Variants in TRPM3 observed in about 807,000 individuals in gnomAD.
TRPM3 encodes transient receptor potential cation channel subfamily M member 3.
In TRPM3, 77 loss-of-function variants were observed where a neutral mutation model predicts 181.2. The observed-to-expected ratio is 0.42, with a 90% confidence interval of 0.35 to 0.51. The LOEUF (loss-of-function observed/expected upper bound fraction) is 0.51, where lower values mean the gene tolerates loss of function less well. Ranked by LOEUF, TRPM3 falls within the 20% of genes least tolerant of loss-of-function variation. The pLI, the probability that TRPM3 is intolerant of heterozygous loss-of-function variation, is 0.01. For missense variants in TRPM3, 1,759 were observed against 2,196.7 expected (o/e 0.80, Z 3.98); for synonymous variants, 745 against 796.4 (o/e 0.94, Z 1.09).
chr9:70,690,629 G>T (rs952483067), intron 8 of TRPM3, among the ~76,000 whole-genome samples: 1 of 151,836 alleles, frequency 6.6e-6, no homozygotes, highest in Non-Finnish European at 1.5e-5. Context: ...TTTAAAAGCC[G>T]CCAGCTTAGC....
At chr9:70,686,428 A>G (rs1033632879) in intron 8 of TRPM3, among the ~76,000 whole-genome samples, 2 of 152,292 alleles carry the variant, frequency 1.3e-5, no homozygotes, top group Admixed American at 1.3e-4. Flanking sequence ...TTCTTGGCCT[A>G]TTAGCTACTC....
intron 1 of TRPM3, among the ~76,000 whole-genome samples, chr9:71,052,354 T>A (rs1210482745): frequency 6.6e-6 from 1 of 151,960 alleles, no homozygotes; most frequent in Admixed American, 6.6e-5. Flanking sequence ...AAGGAAGAAA[T>A]GTGGGATGGC....
In TRPM3 at chr9:71,090,935, A is replaced by G. The variant is rs528058120; in HGVS notation, c.177+30243T>C. On this transcript the variant is annotated intron_variant, in intron 1 of 25. Coordinates refer to ENST00000677713, the MANE Select transcript of TRPM3 (RefSeq NM_001366145.2). ...ATATGTAGTGATTTTTAAGGCTCCA[A>G]TAAAATTTTCAGACCCTTGATTTAT... 3.9e-5 allele frequency among the ~76,000 whole-genome samples: 6 copies of G among 152,280 alleles called. No homozygotes were observed. In the South Asian group the frequency reaches 6.2e-4, roughly 16 times the overall value.
intron 22 of TRPM3, among the ~76,000 whole-genome samples, chr9:70,589,917 T>C (rs1564457222): frequency 6.6e-6 from 1 of 152,166 alleles, no homozygotes; most frequent in Admixed American, 6.5e-5. Context: ...ATTTTCCTGG[T>C]CTCAGTCCTA....
In TRPM3 at chr9:70,619,050, C is replaced by T; in HGVS notation, c.2175G>A (p.Lys725=). The T allele has an allele frequency of 6.2e-7, 1 of 1,614,142 alleles. No homozygotes were observed. The highest frequency in any genetic ancestry group is 8.5e-7 in the Non-Finnish European group (1 of 1,180,016). ...GTTTCATGGCCAGCTGTTCGTCCTG[C>T]TTGTAGGACTGGTCCAGGAGCTCCA... The part of the protein sequence containing the change: ...LAVELLDQSY[K]QDEQLAMKLL... The change falls in exon 17 of 26, where the codon AAG becomes AAA. Residue 725 remains lysine, a synonymous_variant. Transcript: ENST00000677713.
chr9:71,217,282 A>T (rs574817863), intron 1 of TRPM3, among the ~76,000 whole-genome samples: 2 of 152,066 alleles, frequency 1.3e-5, no homozygotes, highest in Non-Finnish European at 2.9e-5. Flanking sequence ...TCTCTCTCCT[A>T]TAAACTCTAG....
chr9:70,573,154 T>A (rs1029018483), intron 22 of TRPM3, among the ~76,000 whole-genome samples: 1 of 152,220 alleles, frequency 6.6e-6, no homozygotes, highest in Non-Finnish European at 1.5e-5. Context: ...AGTGAAGTGG[T>A]CAGATGCTTA....
At chr9:71,323,668 C>T (rs925011632) in intron 1 of TRPM3, among the ~76,000 whole-genome samples, 9 of 152,080 alleles carry the variant, frequency 5.9e-5, no homozygotes, top group South Asian at 4.1e-4. Context: ...TGAAAGGTCA[C>T]GCTATGGTTT....
At chr9:70,772,897 C>T (rs562492352) in intron 7 of TRPM3, among the ~76,000 whole-genome samples, 1 of 152,202 alleles carries the variant, frequency 6.6e-6, no homozygotes, top group African/African-American at 2.4e-5. Flanking sequence ...TGAGTTCATT[C>T]CAAGTGCAAT....
intron 1 of TRPM3, among the ~76,000 whole-genome samples, chr9:70,999,661 C>A (rs974664379): frequency 2.6e-5 from 4 of 152,112 alleles, no homozygotes; most frequent in African/African-American, 9.7e-5. Flanking sequence ...GGCAAGATGG[C>A]ATTTTAAGTT....
intron 1 of TRPM3, among the ~76,000 whole-genome samples, chr9:71,407,278 A>G (rs578232902): frequency 2.6e-5 from 4 of 152,278 alleles, no homozygotes; most frequent in African/African-American, 9.6e-5. Context: ...GTGGGGCATC[A>G]TCTCACCCGG....
At chr9:71,299,713 C>A (rs2132319396) in intron 1 of TRPM3, among the ~76,000 whole-genome samples, 1 of 152,176 alleles carries the variant, frequency 6.6e-6, no homozygotes, top group African/African-American at 2.4e-5. Flanking sequence ...GTTGGATTGG[C>A]AAACAAACTT....
At position 71,309,441 on chromosome 9, in the gene TRPM3, T is replaced by C. The variant is rs189360968; in HGVS notation, c.183+137212A>G. On this transcript the variant is annotated intron_variant, in intron 1 of 24. Transcript: ENST00000357533. Reference sequence around the variant, plus strand: ...CAAAATGGACATATCTCAATATAGATTGTTAAAGGTGAAATCATTTTAGTT... The same window carrying C: ...CAAAATGGACATATCTCAATATAGACTGTTAAAGGTGAAATCATTTTAGTT... Among the ~76,000 whole-genome samples the C allele has an allele frequency of 8.9e-4, 136 of 152,244 alleles. 2 individuals carry two copies. The highest frequency in any genetic ancestry group is 5.3e-4 in the Non-Finnish European group (36 of 68,012).
At chr9:71,005,755 C>G (rs995387334) in intron 1 of TRPM3, among the ~76,000 whole-genome samples, 1 of 152,068 alleles carries the variant, frequency 6.6e-6, no homozygotes, top group Non-Finnish European at 1.5e-5. Context: ...CCAGACCTGT[C>G]TTACAAAAAA....
chr9:71,236,064 T>C (rs1363842147), intron 1 of TRPM3, among the ~76,000 whole-genome samples: 1 of 152,224 alleles, frequency 6.6e-6, no homozygotes, highest in African/African-American at 2.4e-5. Context: ...CAATTTTCTA[T>C]GGTCTACCAA....
chr9:70,851,544 A>T (rs1430586514), intron 3 of TRPM3, among the ~76,000 whole-genome samples: 2 of 152,254 alleles, frequency 1.3e-5, no homozygotes, highest in African/African-American at 4.8e-5. Context: ...CTACTTATTG[A>T]TCAGGTGAGC....
At chr9:71,332,113 C>A (rs183294816) in intron 1 of TRPM3, among the ~76,000 whole-genome samples, 1 of 151,352 alleles carries the variant, frequency 6.6e-6, no homozygotes, top group South Asian at 2.1e-4. Flanking sequence ...ACAAAATCAA[C>A]GTATCTATCC....
At chr9:71,077,545 T>C (rs976521187) in intron 1 of TRPM3, among the ~76,000 whole-genome samples, 9 of 152,204 alleles carry the variant, frequency 5.9e-5, no homozygotes. Context: ...GAATTGTACA[T>C]AAATGCTATA....
intron 1 of TRPM3, among the ~76,000 whole-genome samples, chr9:71,136,919 G>A (rs930973337): frequency 2.0e-5 from 3 of 152,160 alleles, no homozygotes; most frequent in Admixed American, 6.5e-5. Context: ...TGTTTAAACC[G>A]TATCATTAAA....
Sources: allele counts gnomAD v4.1 joint callset (sites outside exome capture counted in the v4.1 genomes callset), GRCh38; gene constraint gnomAD v4.1.1; transcripts MANE v1.5; gene names NCBI Gene and HGNC (gene_info 2026-07-23, HGNC 2026-07-21).